HTR4: variants seen among roughly 807,000 people sequenced by gnomAD.
HTR4 encodes 5-hydroxytryptamine receptor 4, also known as 5-hydroxytryptamine (serotonin) receptor 4, G protein-coupled.
Under a neutral mutation model 36.8 loss-of-function variants are expected in HTR4, and 16 were observed. The ratio of observed to expected loss-of-function variants is 0.43; its 90% CI spans 0.29 to 0.66. HTR4 has a LOEUF of 0.66. Among genes scored for constraint, HTR4 ranks in the 30% least tolerant of loss-of-function variants. The probability of loss-of-function intolerance (pLI) is 0.13; values close to 1 mark genes in which losing one functional copy is unlikely to be tolerated. For synonymous variants in HTR4, 189 were observed against 185.1 expected (o/e 1.02, Z -0.17); for missense variants, 438 against 490.9 (o/e 0.89, Z 1.02).
At chr5:148,616,834 T>C (rs2127289120) in intron 2 of HTR4, among the ~76,000 whole-genome samples, 1 of 152,244 alleles carries the variant, frequency 6.6e-6, no homozygotes, top group South Asian at 2.1e-4. Flanking sequence ...ATAGCCAACA[T>C]AGTTTTTAAT....
At chr5:148,613,886 AACAG>A (rs1473320357) in intron 2 of HTR4, among the ~76,000 whole-genome samples, 2 of 152,202 alleles carry the variant, frequency 1.3e-5, no homozygotes, top group Non-Finnish European at 2.9e-5. Flanking sequence ...ATATACCAAC[AACAG>A]ACAAACAGAG....
At chr5:148,588,520 T>C (rs997584073) in intron 2 of HTR4, among the ~76,000 whole-genome samples, 2 of 149,494 alleles carry the variant, frequency 1.3e-5, no homozygotes, top group African/African-American at 2.5e-5. Flanking sequence ...CACAGTAGGT[T>C]TTAATTCTTT....
intron 4 of HTR4, among the ~76,000 whole-genome samples, chr5:148,527,623 A>AT (rs1339601025): frequency 1.3e-5 from 2 of 152,064 alleles, no homozygotes; most frequent in Non-Finnish European, 2.9e-5. Flanking sequence ...TCCCTTACAC[A>AT]TTTTTTAATT....
intron 5 of HTR4, among the ~76,000 whole-genome samples, chr5:148,522,183 CCCCAGG>C (rs1442287629): frequency 3.9e-5 from 6 of 152,154 alleles, no homozygotes; most frequent in Non-Finnish European, 8.8e-5. Flanking sequence ...TGTGAGGCCT[CCCCAGG>C]CATGTGGAAC....
intron 5 of HTR4, among the ~76,000 whole-genome samples, chr5:148,465,096 C>T (rs1255433674): frequency 2.6e-5 from 4 of 152,102 alleles, no homozygotes; most frequent in African/African-American, 4.8e-5. Context: ...GAGATAAACA[C>T]GCAGAGCACA....
chr5:148,579,377 C>T (rs536786362), intron 2 of HTR4, among the ~76,000 whole-genome samples: 14 of 152,086 alleles, frequency 9.2e-5, no homozygotes, highest in African/African-American at 2.7e-4. Flanking sequence ...TTTGGATTTG[C>T]GTAATTCCCT....
chr5:148,513,733 T>A (rs1757604040), intron 5 of HTR4, among the ~76,000 whole-genome samples: 1 of 152,334 alleles, frequency 6.6e-6, no homozygotes, highest in Admixed American at 6.5e-5. Context: ...CAATGTTAAG[T>A]CTTTGAATTA....
chr5:148,485,853 A>G (rs891720202), intron 6 of HTR4, among the ~76,000 whole-genome samples: 3 of 152,234 alleles, frequency 2.0e-5, no homozygotes, highest in African/African-American at 7.2e-5. Flanking sequence ...AAGGCTCCAG[A>G]GCAATTGGAG....
chr5:148,458,529 T>C (rs1288529434), intron 5 of HTR4, among the ~76,000 whole-genome samples: 1 of 152,058 alleles, frequency 6.6e-6, no homozygotes, highest in African/African-American at 2.4e-5. Flanking sequence ...GGTGATGCTA[T>C]GAGAGCATGT....
chr5:148,539,645 G>A (rs545705126), intron 4 of HTR4, among the ~76,000 whole-genome samples: 7 of 152,248 alleles, frequency 4.6e-5, no homozygotes, highest in African/African-American at 1.7e-4. Flanking sequence ...GATCGTTAAA[G>A]AAATGCAAAT....
At chr5:148,461,692 C>T (rs921590905) in intron 5 of HTR4, among the ~76,000 whole-genome samples, 1 of 151,946 alleles carries the variant, frequency 6.6e-6, no homozygotes, top group African/African-American at 2.4e-5. Context: ...ACTTCTCTAT[C>T]ATAAATGAAC....
At chr5:148,470,124 C>A (rs1297538032) in intron 5 of HTR4, among the ~76,000 whole-genome samples, 1 of 152,110 alleles carries the variant, frequency 6.6e-6, no homozygotes, top group Non-Finnish European at 1.5e-5. Flanking sequence ...GGGCACTGTC[C>A]TATTTGTTTG....
chr5:148,614,519 C>T (rs1752580482), intron 2 of HTR4, among the ~76,000 whole-genome samples: 2 of 152,056 alleles, frequency 1.3e-5, no homozygotes, highest in South Asian at 4.1e-4. Context: ...ACACCTTATA[C>T]AAAAATTAAT....
At chr5:148,478,631 A>C (rs532046172), downstream of HTR4, among the ~76,000 whole-genome samples, 2 of 152,260 alleles carry the variant, frequency 1.3e-5, no homozygotes, top group East Asian at 3.9e-4. Flanking sequence ...TTAGGCTCCC[A>C]AGAACATTCC....
chr5:148,583,111 C>A (rs1267422951), intron 2 of HTR4, among the ~76,000 whole-genome samples: 5 of 151,660 alleles, frequency 3.3e-5, no homozygotes, highest in Middle Eastern at 3.4e-3. Context: ...TACGTCCCAT[C>A]AATACCTAAT....
rs964864975 is a variant in HTR4, at chr5:148,482,974, A to C, written c.*229T>G. The C allele has an allele frequency of 1.4e-6, 2 of 1,401,578 alleles. No individual in the cohort carries two copies. The highest frequency in any genetic ancestry group is 2.9e-5 in the African/African-American group (2 of 69,010). 86.8% of individuals were successfully genotyped at this position (1,401,578 alleles called of 1,614,324 possible). On this transcript the variant is annotated 3_prime_UTR_variant, in exon 7 of 7. Transcript: ENST00000377888. Reference sequence around the variant, plus strand: ...AAAAGCAGAGAATCTGGGAAGAGGGAGTGTTGGGAAATAAAAAGTGAACAA... The same window carrying C: ...AAAAGCAGAGAATCTGGGAAGAGGGCGTGTTGGGAAATAAAAAGTGAACAA...
intron 2 of HTR4, among the ~76,000 whole-genome samples, chr5:148,567,733 A>T (rs559654293): frequency 6.6e-6 from 1 of 152,132 alleles, no homozygotes; most frequent in Non-Finnish European, 1.5e-5. Context: ...GTCTTCACTT[A>T]GGTCTCTGCT....
rs146566008 is a variant in HTR4 at position 148,483,934 on chromosome 5, A to ATTAT, written c.1077-645_1077-642dup. Among the ~76,000 whole-genome samples the ATTAT allele has an allele frequency of 1.1e-3, 166 of 144,816 alleles. 1 individual carries two copies. Among genetic ancestry groups the ATTAT allele is most frequent in the Middle Eastern group, 7.4e-3 (2 of 270 alleles). ...ATTACATTGCTGCCTAGTTGATTTT[A>ATTAT]TTATTTATTTATTTATTTATTTATT... On this transcript the variant is annotated intron_variant, in intron 6 of 6. Coordinates refer to ENST00000377888, the MANE Select transcript of HTR4 (RefSeq NM_000870.7).
At chr5:148,496,876 T>G (rs898469224) in intron 6 of HTR4, among the ~76,000 whole-genome samples, 1 of 152,226 alleles carries the variant, frequency 6.6e-6, no homozygotes, top group Non-Finnish European at 1.5e-5. Context: ...GGTTCATGTT[T>G]ATATCTGCTG....
Sources: allele counts gnomAD v4.1 joint callset (sites outside exome capture counted in the v4.1 genomes callset), GRCh38; gene constraint gnomAD v4.1.1; transcripts MANE v1.5; gene names NCBI Gene and HGNC (gene_info 2026-07-23, HGNC 2026-07-21).